The following DAW1 variants were observed in gnomAD, a reference collection of about 807,000 sequenced individuals.
The protein encoded by DAW1 is dynein assembly factor with WD repeats 1, also known as dynein assembly factor with WD repeat domains 1.
A neutral mutation model predicts 56.5 loss-of-function variants in DAW1; 47 were observed. The observed-to-expected ratio is 0.83, with a 90% CI of 0.66 to 1.06. The LOEUF is 1.06. DAW1 is among the 50% of genes least tolerant of loss of function. The probability of loss-of-function intolerance (pLI) is 0.00; values close to 1 mark genes in which losing one functional copy is unlikely to be tolerated. For missense variants in DAW1, 505 were observed against 499.3 expected (o/e 1.01, Z -0.11); for synonymous variants, 190 against 179.0 (o/e 1.06, Z -0.49).
intron 1 of DAW1, among the ~76,000 whole-genome samples, chr2:227,884,236 T>C (rs1047553144): frequency 6.6e-6 from 1 of 152,242 alleles, no homozygotes; most frequent in South Asian, 2.1e-4. Context: ...TTCCATTTTT[T>C]CATTTGTTTC....
intron 7 of DAW1, 114 bp downstream of exon 7, chr2:227,903,223 G>A: frequency 9.3e-7 from 1 of 1,074,304 alleles, no homozygotes; most frequent in Non-Finnish European, 1.4e-6. Context: ...AAATTTTAGT[G>A]GTGAAAGAGT....
rs751750611 is a variant in DAW1 at position 227,890,050 on chromosome 2, A to G, written c.258+50A>G. On this transcript the variant is annotated intron_variant, in intron 3 of 12. Transcript: ENST00000309931. ...TAGAAGAATTTCAGTGAAATGATTG[A>G]TATTTTATTAATTTTTCTTTCCCTA... The G allele has an allele frequency of 6.9e-6, 10 of 1,446,276 alleles. No homozygotes were observed. In the East Asian group the frequency reaches 2.6e-4, roughly 38 times the overall value. The allele number at this position is 1,446,276 out of a possible 1,614,324, so 89.6% of individuals were successfully genotyped here.
intron 10 of DAW1, among the ~76,000 whole-genome samples, chr2:227,910,576 T>C (rs889877524): frequency 2.0e-5 from 3 of 151,790 alleles, no homozygotes; most frequent in Non-Finnish European, 2.9e-5. Context: ...TGAAATGTAT[T>C]GGACAATGAT....
intron 3 of DAW1, among the ~76,000 whole-genome samples, chr2:227,890,447 G>GT (rs1242831742): frequency 1.3e-5 from 2 of 152,146 alleles, no homozygotes; most frequent in Admixed American, 1.3e-4. Context: ...TTTTTAAATA[G>GT]TTTTTTTGAT....
chr2:227,923,821 C>G (rs1340016391), intron 12 of DAW1, 113 bp from the exon 13 acceptor site: 3 of 1,273,516 alleles, frequency 2.4e-6, no homozygotes, highest in Non-Finnish European at 2.2e-6. Context: ...AGAACCTAGC[C>G]CATTTAGCAA....
intron 11 of DAW1, among the ~76,000 whole-genome samples, chr2:227,919,486 C>T (rs768475235): frequency 2.0e-4 from 30 of 152,112 alleles, no homozygotes; most frequent in Non-Finnish European, 3.7e-4. Context: ...TTCCTGGTTC[C>T]GGTAAACACA....
At position 227,923,991 on chromosome 2, in the gene DAW1, C is replaced by T; in HGVS notation, c.*23C>T. 1.9e-6 allele frequency: 3 copies of T among 1,613,644 alleles called. No individual in the cohort carries two copies. In the East Asian group the frequency reaches 6.7e-5, roughly 36 times the overall value. On this transcript the variant is annotated 3_prime_UTR_variant, in exon 13 of 13. Transcript: ENST00000309931. ...TGACTGAAGGAAGCTGGTCAGTGAGCAACCTTGCTAGCAATGGTAATCAAG... is the reference window on the plus strand; with the variant it reads ...TGACTGAAGGAAGCTGGTCAGTGAGTAACCTTGCTAGCAATGGTAATCAAG...
At chr2:227,905,843 T>C (rs34314268) in intron 8 of DAW1, among the ~76,000 whole-genome samples, 60,576 of 151,900 alleles carry the variant, frequency 0.4, 12,189 homozygotes, top group Middle Eastern at 0.56. Context: ...CAAGCTCCGC[T>C]TCCTGGGTTC....
intron 3 of DAW1, among the ~76,000 whole-genome samples, chr2:227,891,008 T>C (rs1274325226): frequency 2.6e-5 from 4 of 152,242 alleles, no homozygotes; most frequent in African/African-American, 9.6e-5. Flanking sequence ...TATTGAAACA[T>C]ATTTAGTGTA....
intron 10 of DAW1, chr2:227,912,267 C>G (rs1193607452): frequency 1.5e-6 from 1 of 658,168 alleles, no homozygotes; most frequent in Non-Finnish European, 2.5e-6. Context: ...GAGTCTCGCT[C>G]TGTCGCCCAG....
At chr2:227,921,954 C>G (rs1721349) in intron 12 of DAW1, among the ~76,000 whole-genome samples, 73,659 of 152,006 alleles carry the variant, frequency 0.48, 18,318 homozygotes, top group Middle Eastern at 0.63. Context: ...ATGCTTGAGG[C>G]CAGCCTGGGC....
At chr2:227,880,401 C>G (rs1434992262) in intron 1 of DAW1, among the ~76,000 whole-genome samples, 2 of 140,226 alleles carry the variant, frequency 1.4e-5, no homozygotes, top group South Asian at 4.5e-4. Flanking sequence ...TTTTTTTACT[C>G]TAGGGAAATA....
intron 1 of DAW1, chr2:227,876,547 C>A (rs1202008637): frequency 3.2e-6 from 4 of 1,260,524 alleles, no homozygotes; most frequent in South Asian, 1.3e-5. Context: ...TCCACTGAAT[C>A]ATTCCCGTGC....
intron 1 of DAW1, among the ~76,000 whole-genome samples, chr2:227,874,489 C>A (rs181207216): frequency 1.3e-5 from 2 of 152,326 alleles, no homozygotes; most frequent in East Asian, 3.9e-4. Context: ...ACTGGCCAAG[C>A]CACAGTCCTT....
Position 227,898,264 on chromosome 2 carries a change from G to T in DAW1, c.523G>T (p.Gly175Cys). Residue 175 changes from glycine to cysteine, a missense_variant, in exon 6 of 13, where the codon GGT becomes TGT. Physicochemically the swap from Gly to Cys is radical, Grantham distance 159. Transcript: ENST00000309931. ...AGGAAAATGTTACCATACCTTCAGGGGTCATACAGCAGAAATAGTGAGTAT... is the reference window on the plus strand; with the variant it reads ...AGGAAAATGTTACCATACCTTCAGGTGTCATACAGCAGAAATAGTGAGTAT... ...ETGKCYHTFR[G>C]HTAEIVCLSF... 1 of 1,545,528 alleles carries T rather than the reference G, an allele frequency of 6.5e-7. No individual in the cohort carries two copies. Among genetic ancestry groups the T allele is most frequent in the South Asian group, 1.3e-5 (1 of 76,456 alleles).
chr2:227,918,292 A>C (rs1692022854), intron 10 of DAW1, among the ~76,000 whole-genome samples: 1 of 152,196 alleles, frequency 6.6e-6, no homozygotes, highest in Admixed American at 6.5e-5. Context: ...GCAGGAAAAA[A>C]GCATTCTATT....
chr2:227,908,313 A>G (rs1273593965), intron 10 of DAW1, among the ~76,000 whole-genome samples: 1 of 152,222 alleles, frequency 6.6e-6, no homozygotes, highest in Non-Finnish European at 1.5e-5. Context: ...TGATAATCAT[A>G]TATGATGCAA....
intron 12 of DAW1, among the ~76,000 whole-genome samples, chr2:227,922,277 T>G (rs1692127617): frequency 6.6e-6 from 1 of 152,230 alleles, no homozygotes; most frequent in Non-Finnish European, 1.5e-5. Context: ...TTTTCTCCCC[T>G]GCTAAAGCAC....
At chr2:227,901,021 G>A (rs1691530284) in intron 6 of DAW1, among the ~76,000 whole-genome samples, 4 of 152,186 alleles carry the variant, frequency 2.6e-5, no homozygotes, top group Admixed American at 2.0e-4. Flanking sequence ...TTTTGACTAG[G>A]AGATGGTATG....
Sources: allele counts gnomAD v4.1 joint callset (sites outside exome capture counted in the v4.1 genomes callset), GRCh38; gene constraint gnomAD v4.1.1; transcripts MANE v1.5; gene names NCBI Gene and HGNC (gene_info 2026-07-23, HGNC 2026-07-21).